EXOC4: variants seen among roughly 807,000 people sequenced by gnomAD.
EXOC4 encodes the protein SEC8-like 1.
EXOC4 carries 71 observed loss-of-function variants against 107.2 expected under a neutral mutation model. The observed-to-expected ratio is 0.66, with a 90% CI of 0.55 to 0.81. The LOEUF (loss-of-function observed/expected upper bound fraction) is 0.81. Ranked by LOEUF, EXOC4 falls within the 30% of genes least tolerant of loss-of-function variation. The probability of loss-of-function intolerance (pLI) is 0.00; values close to 1 mark genes in which losing one functional copy is unlikely to be tolerated. For synonymous variants in EXOC4, 456 were observed against 441.2 expected (o/e 1.03, Z -0.42); for missense variants, 1,108 against 1,189.6 (o/e 0.93, Z 1.01).
intron 9 of EXOC4, among the ~76,000 whole-genome samples, chr7:133,594,568 C>G (rs572275291): frequency 7.7e-6 from 1 of 129,492 alleles, no homozygotes; most frequent in Admixed American, 9.6e-5. Context: ...GATCTTGGCT[C>G]ACTGCAATCT....
At chr7:133,495,706 A>T (rs1799461893) in intron 9 of EXOC4, among the ~76,000 whole-genome samples, 1 of 152,152 alleles carries the variant, frequency 6.6e-6, no homozygotes, top group South Asian at 2.1e-4. Context: ...TGACTATAGG[A>T]CAATTCATTC....
At chr7:133,408,462 G>A (rs1563054683) in intron 7 of EXOC4, among the ~76,000 whole-genome samples, 1 of 151,530 alleles carries the variant, frequency 6.6e-6, no homozygotes, top group South Asian at 2.1e-4. Context: ...AGAGATGATG[G>A]TGATGATGAT....
intron 7 of EXOC4, among the ~76,000 whole-genome samples, chr7:133,451,733 A>G (rs1001168923): frequency 6.6e-6 from 1 of 152,106 alleles, no homozygotes; most frequent in African/African-American, 2.4e-5. Flanking sequence ...CTGCCTTCCT[A>G]GGAACACGAT....
At chr7:133,736,440 C>T (rs1795446529) in intron 10 of EXOC4, among the ~76,000 whole-genome samples, 1 of 152,136 alleles carries the variant, frequency 6.6e-6, no homozygotes, top group Non-Finnish European at 1.5e-5. Flanking sequence ...TAAGTCTTCC[C>T]ACTGATAACT....
At chr7:134,085,332 CAAA>C in the EXOC4 span, among the ~76,000 whole-genome samples, 6 of 144,800 alleles carry the variant, frequency 4.1e-5, no homozygotes, top group African/African-American at 1.5e-4. Flanking sequence ...ACAAAAACAA[CAAA>C]AAAAAAAAAA....
chr7:133,498,072 A>C (rs1043809865), intron 9 of EXOC4, among the ~76,000 whole-genome samples: 1 of 152,122 alleles, frequency 6.6e-6, no homozygotes, highest in African/African-American at 2.4e-5. Flanking sequence ...TCTCATGAGA[A>C]CCAGGCACTG....
chr7:133,859,723 A>G (rs1220634889), intron 11 of EXOC4, among the ~76,000 whole-genome samples: 1 of 152,204 alleles, frequency 6.6e-6, no homozygotes, highest in Non-Finnish European at 1.5e-5. Context: ...TAGAGATAGA[A>G]CAAAAGGCCT....
intron 9 of EXOC4, among the ~76,000 whole-genome samples, chr7:133,591,547 GGTGT>G (rs199675433): frequency 1.2e-4 from 7 of 59,182 alleles, no homozygotes; most frequent in South Asian, 5.9e-4. Context: ...TTAAAGATCT[GGTGT>G]GTGTGTGTGT....
the EXOC4 span, among the ~76,000 whole-genome samples, chr7:134,085,586 G>T: frequency 6.6e-6 from 1 of 152,164 alleles, no homozygotes; most frequent in African/African-American, 2.4e-5. Flanking sequence ...TGGATTTAGA[G>T]CTCCCCCAAA....
intron 12 of EXOC4, among the ~76,000 whole-genome samples, chr7:133,915,563 G>A (rs931867531): frequency 2.0e-5 from 3 of 152,132 alleles, no homozygotes; most frequent in Non-Finnish European, 4.4e-5. Flanking sequence ...TAAGATAAAT[G>A]GGGAGATGAA....
At chr7:133,570,783 G>A (rs1801007776) in intron 9 of EXOC4, among the ~76,000 whole-genome samples, 1 of 152,100 alleles carries the variant, frequency 6.6e-6, no homozygotes, top group Admixed American at 6.6e-5. Context: ...CTAGAGGTTT[G>A]GAACAAGATT....
At chr7:133,392,403 TC>T (rs929943367) in intron 7 of EXOC4, among the ~76,000 whole-genome samples, 3 of 152,172 alleles carry the variant, frequency 2.0e-5, no homozygotes, top group Non-Finnish European at 4.4e-5. Flanking sequence ...ATTTCTCCTT[TC>T]TGTTTGGGAG....
chr7:133,832,259 G>A (rs1004103726), intron 11 of EXOC4, among the ~76,000 whole-genome samples: 7 of 152,042 alleles, frequency 4.6e-5, no homozygotes, highest in East Asian at 1.9e-4. Flanking sequence ...ATAGTTAGAC[G>A]GTTTTGTCAC....
intron 17 of EXOC4, among the ~76,000 whole-genome samples, chr7:134,031,148 C>T (rs1018915915): frequency 6.6e-6 from 1 of 152,138 alleles, no homozygotes; most frequent in Non-Finnish European, 1.5e-5. Context: ...CTAAAGGATA[C>T]AGGGTTTCTT....
chr7:133,357,065 ATGT>A (rs1366308503), intron 6 of EXOC4, among the ~76,000 whole-genome samples: 17 of 152,248 alleles, frequency 1.1e-4, no homozygotes, highest in Admixed American at 1.1e-3. Flanking sequence ...CTGTTTTTTA[ATGT>A]TGTTGAAAAA....
At chr7:133,441,482 C>T (rs1049049762) in intron 7 of EXOC4, among the ~76,000 whole-genome samples, 1 of 152,144 alleles carries the variant, frequency 6.6e-6, no homozygotes, top group Non-Finnish European at 1.5e-5. Context: ...TCTCTGTCTC[C>T]CAGGTTCAAG....
chr7:133,296,620 TA>T (rs1194043975), intron 3 of EXOC4, among the ~76,000 whole-genome samples: 1 of 152,096 alleles, frequency 6.6e-6, no homozygotes, highest in Non-Finnish European at 1.5e-5. Flanking sequence ...TTTTTATTTA[TA>T]TTTGTTTTTG....
intron 12 of EXOC4, among the ~76,000 whole-genome samples, chr7:133,915,745 G>A (rs754539819): frequency 1.4e-4 from 21 of 152,250 alleles, no homozygotes; most frequent in Non-Finnish European, 2.5e-4. Context: ...AAGATGCAAG[G>A]AAATAACAAA....
At chr7:133,841,063 C>T (rs891787940) in intron 11 of EXOC4, among the ~76,000 whole-genome samples, 4 of 152,068 alleles carry the variant, frequency 2.6e-5, no homozygotes, top group African/African-American at 9.7e-5. Context: ...TGGGGAAGTC[C>T]AAGATCAAAG....
Sources: gnomAD v4.1 joint callset for allele counts (sites outside exome capture counted in the v4.1 genomes callset) on GRCh38, gnomAD v4.1.1 for gene constraint, MANE v1.5 for transcripts, NCBI Gene and HGNC (gene_info 2026-07-23, HGNC 2026-07-21) for gene names.